Variants in ARHGEF38 observed in about 807,000 individuals in gnomAD.
The protein encoded by ARHGEF38 is Rho guanine nucleotide exchange factor 38.
A neutral mutation model predicts 79.9 loss-of-function variants in ARHGEF38; 79 were observed. That is an observed-to-expected ratio of 0.99 (90% CI 0.82 to 1.19). The LOEUF (loss-of-function observed/expected upper bound fraction) is 1.19, where lower values mean the gene tolerates loss of function less well. ARHGEF38 is among the 50% of genes most tolerant of loss of function. The probability of loss-of-function intolerance (pLI) is 0.00; values close to 1 mark genes in which losing one functional copy is unlikely to be tolerated. For missense variants in ARHGEF38, 962 were observed against 907.2 expected (o/e 1.06, Z -0.78); for synonymous variants, 366 against 328.3 (o/e 1.11, Z -1.24).
chr4:105,659,031 G>A (rs1185959444), intron 9 of ARHGEF38, 23 bp from the exon 10 acceptor site: 1 of 1,516,052 alleles, frequency 6.6e-7, no homozygotes, highest in Admixed American at 2.0e-5. Context: ...TCTCTGAAAT[G>A]GGCTCATTTT....
chr4:105,660,120 T>C (rs1433231398), intron 10 of ARHGEF38, among the ~76,000 whole-genome samples: 1 of 152,122 alleles, frequency 6.6e-6, no homozygotes, highest in African/African-American at 2.4e-5. Flanking sequence ...TTTTAACTTA[T>C]ACTTTGAATT....
At chr4:105,587,653 G>A (rs1480137265) in intron 1 of ARHGEF38, among the ~76,000 whole-genome samples, 1 of 151,972 alleles carries the variant, frequency 6.6e-6, no homozygotes, top group Non-Finnish European at 1.5e-5. Flanking sequence ...GTAGAGATGG[G>A]GTTTCACCGT....
intron 10 of ARHGEF38, among the ~76,000 whole-genome samples, chr4:105,663,998 AC>A (rs576662212): frequency 2.0e-5 from 3 of 151,736 alleles, no homozygotes; most frequent in African/African-American, 7.2e-5. Context: ...ACAAAACAAA[AC>A]AAAAAAAAAC....
chr4:105,647,115 T>C (rs142048213), intron 6 of ARHGEF38, among the ~76,000 whole-genome samples: 4 of 152,180 alleles, frequency 2.6e-5, no homozygotes, highest in African/African-American at 9.6e-5. Context: ...TTTTAGATAA[T>C]GGCTGTTACA....
intron 1 of ARHGEF38, among the ~76,000 whole-genome samples, chr4:105,572,377 T>C (rs925695569): frequency 3.9e-5 from 6 of 152,192 alleles, no homozygotes; most frequent in Non-Finnish European, 2.9e-5. Context: ...AATTTTTCAT[T>C]TGTGGTAAAA....
chr4:105,641,247 A>G (rs1329037813), intron 5 of ARHGEF38, among the ~76,000 whole-genome samples: 1 of 151,820 alleles, frequency 6.6e-6, no homozygotes, highest in African/African-American at 2.4e-5. Context: ...TTTTCAATGG[A>G]CCCTCCTTAT....
chr4:105,641,069 T>C (rs146384731), intron 5 of ARHGEF38, among the ~76,000 whole-genome samples: 3 of 152,278 alleles, frequency 2.0e-5, no homozygotes, highest in Non-Finnish European at 2.9e-5. Context: ...TGCTTTGTTT[T>C]ACCTTTCTGT....
intron 10 of ARHGEF38, among the ~76,000 whole-genome samples, chr4:105,661,474 T>TTTATTATTA (rs140964351): frequency 1.5e-3 from 217 of 141,780 alleles, no homozygotes; most frequent in African/African-American, 3.7e-3. Context: ...TCCACACCTC[T>TTTATTATTA]TTATTATTAT....
Position 105,677,742 on chromosome 4 carries a change from C to A in ARHGEF38, c.2149-10C>A. ...CCAATTCCAATAATGTCTTTTGTTT[C>A]TTTGTCTAGATTTTCTATGCAGTTC... On this transcript the variant is annotated splice_polypyrimidine_tract_variant and intron_variant, in intron 13 of 13. Transcript: ENST00000420470. The A allele has an allele frequency of 7.1e-7, 1 of 1,412,166 alleles. No individual in the cohort carries two copies. The highest frequency in any genetic ancestry group is 9.3e-7 in the Non-Finnish European group (1 of 1,074,752). 87.5% of individuals were successfully genotyped at this position (1,412,166 alleles called of 1,614,324 possible). A position where few individuals can be genotyped will look rare whatever the true frequency, so the allele number is the denominator to read the frequency against.
At position 105,667,329 on chromosome 4, in the gene ARHGEF38, T is replaced by C; in HGVS notation, c.1888+2T>C. On this transcript the variant is annotated splice_donor_variant, in intron 12 of 13. Transcript: ENST00000420470. LOFTEE classifies it high-confidence loss of function. ...GCAGGTGGCTTGTGGACACAGGAAG[T>C]AAGTTTTTCCCCAGAACTACCACTC... 6.5e-7 allele frequency: 1 copy of C among 1,535,582 alleles called. No homozygotes were observed. The highest frequency in any genetic ancestry group is 8.7e-7 in the Non-Finnish European group (1 of 1,146,600).
Position 105,661,515 on chromosome 4 carries a change from T to C in ARHGEF38, c.1545+2150T>C, listed in dbSNP as rs923261166. On this transcript the variant is annotated intron_variant, in intron 10 of 13. Coordinates refer to ENST00000420470, the MANE Select transcript of ARHGEF38 (RefSeq NM_001242729.2). ...TTATTATTATTATTATTATTATTAT[T>C]ATTGTTATAGCTATCCTAATGGGTG... Among the ~76,000 whole-genome samples the C allele has an allele frequency of 4.8e-5, 7 of 146,816 alleles. No homozygotes were observed. The East Asian group carries it at 1.2e-3, about 25-fold the overall frequency.
intron 10 of ARHGEF38, among the ~76,000 whole-genome samples, chr4:105,664,709 G>T (rs1478129690): frequency 6.6e-6 from 1 of 152,150 alleles, no homozygotes; most frequent in Non-Finnish European, 1.5e-5. Flanking sequence ...AAAACCTTTA[G>T]AAATAGTGCC....
At chr4:105,586,850 T>C (rs144626311) in intron 1 of ARHGEF38, among the ~76,000 whole-genome samples, 260 of 152,282 alleles carry the variant, frequency 1.7e-3, no homozygotes, top group African/African-American at 5.7e-3. Context: ...CTGTGCTCTA[T>C]TTCACATACT....
At chr4:105,637,707 G>T (rs1290759227) in intron 5 of ARHGEF38, among the ~76,000 whole-genome samples, 1 of 152,074 alleles carries the variant, frequency 6.6e-6, no homozygotes, top group Non-Finnish European at 1.5e-5. Context: ...GCTTGCATTA[G>T]GTCTTTGGAA....
At chr4:105,645,737 T>G (rs1729812138) in intron 6 of ARHGEF38, among the ~76,000 whole-genome samples, 1 of 152,122 alleles carries the variant, frequency 6.6e-6, no homozygotes, top group African/African-American at 2.4e-5. Flanking sequence ...CACGTTGCAA[T>G]AGCAGTGGGA....
chr4:105,589,171 T>G lies in ARHGEF38; in HGVS notation c.197-77T>G, dbSNP rs1727197736. Reference sequence around the variant, plus strand: ...GCCTTTTTCCTTGTTAACAAAGTCCTTCGAAGGCGTTGTTTGTAATGAAGG... The same window carrying G: ...GCCTTTTTCCTTGTTAACAAAGTCCGTCGAAGGCGTTGTTTGTAATGAAGG... On this transcript the variant is annotated intron_variant, in intron 1 of 13. Transcript: ENST00000420470. 2.4e-6 allele frequency: 3 copies of G among 1,230,942 alleles called. No homozygotes were observed. In the Admixed American group the frequency reaches 7.2e-5, roughly 29 times the overall value. The allele number at this position is 1,230,942 out of a possible 1,614,324, so 76.3% of individuals were successfully genotyped here.
chr4:105,642,223 G>A lies in ARHGEF38; in HGVS notation c.675-2965G>A, dbSNP rs145922402. 4.4e-3 allele frequency among the ~76,000 whole-genome samples: 664 copies of A among 152,122 alleles called. 9 individuals are homozygous for A. Among genetic ancestry groups the A allele is most frequent in the African/African-American group, 0.015 (627 of 41,502 alleles). ...ATAACACTCCCTCTATCTTTTCTAC[G>A]ATATTGCTTGTCTGTGCGATGCAGT... On this transcript the variant is annotated intron_variant, in intron 5 of 13. Transcript: ENST00000420470.
In ARHGEF38 at chr4:105,631,075, C is replaced by G. The variant is rs1278444284; in HGVS notation, c.656+30C>G. Reference sequence around the variant, plus strand: ...GGCCTTTTCAAATGATGATTCCCATCTCCTCTCAGTTGCCTAGCAGGGAAC... The same window carrying G: ...GGCCTTTTCAAATGATGATTCCCATGTCCTCTCAGTTGCCTAGCAGGGAAC... On this transcript the variant is annotated intron_variant, in intron 4 of 13. Transcript: ENST00000420470. The G allele has an allele frequency of 3.1e-6, 5 of 1,594,950 alleles. No homozygotes were observed. The East Asian group carries it at 1.1e-4, about 36-fold the overall frequency.
chr4:105,608,634 C>G (rs906202785), intron 2 of ARHGEF38, among the ~76,000 whole-genome samples: 16 of 151,806 alleles, frequency 1.1e-4, no homozygotes, highest in Non-Finnish European at 2.9e-5. Context: ...CAAATCTTTT[C>G]TTCTAGCTAT....
Sources: allele counts gnomAD v4.1 joint callset (sites outside exome capture counted in the v4.1 genomes callset), GRCh38; gene constraint gnomAD v4.1.1; transcripts MANE v1.5; gene names NCBI Gene and HGNC (gene_info 2026-07-23, HGNC 2026-07-21).